SRPX: variants seen among roughly 807,000 people sequenced by gnomAD.
SRPX encodes the protein sushi repeat-containing protein SRPX.
A neutral mutation model predicts 38.1 loss-of-function variants in SRPX; 24 were observed. That is an observed-to-expected ratio of 0.63 (90% CI 0.46 to 0.89). The LOEUF is 0.89. Ranked by LOEUF, SRPX falls within the 40% of genes least tolerant of loss-of-function variation. The probability of loss-of-function intolerance (pLI) is 0.00; values close to 1 mark genes in which losing one functional copy is unlikely to be tolerated. For missense variants in SRPX, 416 were observed against 377.8 expected (o/e 1.10, Z -0.84); for synonymous variants, 184 against 153.8 (o/e 1.20, Z -1.45).
At chrX:38,200,718 G>A (rs1236787238) in intron 1 of SRPX, among the ~76,000 whole-genome samples, 1 of 111,657 alleles carries the variant, frequency 9.0e-6, no homozygotes, top group South Asian at 3.8e-4. Flanking sequence ...CTGCTATAAT[G>A]GCATTAATCT....
chrX:38,173,999 G>A (rs900062369), intron 3 of SRPX, among the ~76,000 whole-genome samples, 161 bp downstream of exon 3: 2 of 111,935 alleles, frequency 1.8e-5, no homozygotes, highest in Admixed American at 1.9e-4. Flanking sequence ...TCTCTGAGAG[G>A]AGCCAACTCA....
chrX:38,197,506 C>CATACA (rs1362473021), intron 1 of SRPX, among the ~76,000 whole-genome samples: 3 of 110,912 alleles, frequency 2.7e-5, no homozygotes, highest in African/African-American at 9.9e-5. Context: ...TTGATATATG[C>CATACA]ATACAATGCA....
chrX:38,188,474 A>C (rs1248325707), intron 1 of SRPX, among the ~76,000 whole-genome samples: 1 of 112,034 alleles, frequency 8.9e-6, no homozygotes, highest in Non-Finnish European at 1.9e-5. Flanking sequence ...TGAAAATGTC[A>C]GGGTGCACTG....
At chrX:38,159,285 G>T (rs946569578) in intron 7 of SRPX, among the ~76,000 whole-genome samples, 4 of 112,302 alleles carry the variant, frequency 3.6e-5, no homozygotes, top group Non-Finnish European at 5.6e-5. Flanking sequence ...GCATTTAGCT[G>T]ATGGTATATA....
intron 1 of SRPX, among the ~76,000 whole-genome samples, chrX:38,193,249 G>T (rs1908659838): frequency 1.8e-5 from 2 of 111,760 alleles, no homozygotes; most frequent in South Asian, 7.6e-4. Flanking sequence ...AAGGTGGGGA[G>T]GGGGGGAAAT....
At chrX:38,164,394 C>T (rs754662585) in intron 5 of SRPX, among the ~76,000 whole-genome samples, 4 of 112,050 alleles carry the variant, frequency 3.6e-5, no homozygotes, top group Admixed American at 1.9e-4. Flanking sequence ...CCGCCTGCCT[C>T]GTCCTCACAA....
In SRPX at chrX:38,215,025, G is replaced by C. The variant is rs757281089; in HGVS notation, c.97+5671C>G. Among the ~76,000 whole-genome samples the C allele has an allele frequency of 7.1e-5, 8 of 112,178 alleles. No homozygotes were observed. The South Asian group carries it at 2.6e-3, about 37-fold the overall frequency. On this transcript the variant is annotated intron_variant, in intron 1 of 9. Transcript: ENST00000378533. ...TGATAGCAGGGGAAATGAGCTGCTA[G>C]TACATGTGACTACACTACAGGTCAC...
chrX:38,205,335 T>C (rs773276389), intron 1 of SRPX, among the ~76,000 whole-genome samples: 9 of 112,359 alleles, frequency 8.0e-5, no homozygotes, highest in South Asian at 3.7e-4. Flanking sequence ...GATAATAATA[T>C]TGAACATCTT....
intron 5 of SRPX, among the ~76,000 whole-genome samples, chrX:38,161,286 T>G (rs1358252131): frequency 9.0e-6 from 1 of 111,016 alleles, no homozygotes; most frequent in Non-Finnish European, 1.9e-5. Flanking sequence ...TTAGACTTTT[T>G]TCTTGCTGAA....
At chrX:38,156,361 T>C (rs937060363) in intron 8 of SRPX, among the ~76,000 whole-genome samples, 1 of 111,647 alleles carries the variant, frequency 9.0e-6, no homozygotes, top group South Asian at 3.8e-4. Flanking sequence ...AGGAATCACC[T>C]GGAGATTTTG....
At chrX:38,166,070 A>G (rs1938359526) in intron 4 of SRPX, among the ~76,000 whole-genome samples, 1 of 112,620 alleles carries the variant, frequency 8.9e-6, no homozygotes, top group Non-Finnish European at 1.9e-5. Context: ...TAAAGAAGGC[A>G]TAGCAAATTA....
Position 38,214,549 on chromosome X carries a change from G to A in SRPX, c.97+6147C>T, listed in dbSNP as rs144256959. ...TCACGTGGCTGGGGGCATCAGCTCC[G>A]TGAATAGGTAATGGTGCAACACAAT... is the stretch of plus-strand genomic sequence containing the variant. On this transcript the variant is annotated intron_variant, in intron 1 of 9. Coordinates refer to ENST00000378533, the MANE Select transcript of SRPX (RefSeq NM_006307.5). 1.2e-4 allele frequency among the ~76,000 whole-genome samples: 13 copies of A among 111,928 alleles called. No individual in the cohort carries two copies. The South Asian group carries it at 1.9e-3, about 16-fold the overall frequency.
At chrX:38,192,611 C>T (rs915499939) in intron 1 of SRPX, among the ~76,000 whole-genome samples, 3 of 112,658 alleles carry the variant, frequency 2.7e-5, no homozygotes, top group African/African-American at 9.7e-5. Flanking sequence ...TCAGAAATTC[C>T]AGATGCAAAC....
intron 1 of SRPX, among the ~76,000 whole-genome samples, chrX:38,219,094 T>G (rs1018484428): frequency 2.7e-5 from 3 of 110,941 alleles, no homozygotes; most frequent in African/African-American, 9.8e-5. Context: ...TGGTAGTGAA[T>G]GCCCAAACTG....
chrX:38,151,477 A>AT (rs373051370), intron 9 of SRPX, among the ~76,000 whole-genome samples: 211 of 111,129 alleles, frequency 1.9e-3, no homozygotes, highest in African/African-American at 6.7e-3. Flanking sequence ...TGGAGCATTC[A>AT]TTTTTTTTAT....
At chrX:38,163,020 CAGACATTGTGCTAGACCCTGA>C (rs1938295499) in intron 5 of SRPX, among the ~76,000 whole-genome samples, 2 of 112,171 alleles carry the variant, frequency 1.8e-5, no homozygotes, top group African/African-American at 6.5e-5. Flanking sequence ...GGGGCTGGGC[CAGACATTGTGCTAGACCCTGA>C]AGAGTCAAAG....
intron 1 of SRPX, among the ~76,000 whole-genome samples, chrX:38,207,364 C>A (rs1939230667): frequency 8.9e-6 from 1 of 111,836 alleles, no homozygotes; most frequent in South Asian, 3.8e-4. Flanking sequence ...AGGAGGTCAG[C>A]CCAAAGCAGG....
chrX:38,166,527 G>A (rs904116837), intron 4 of SRPX, among the ~76,000 whole-genome samples: 1 of 111,807 alleles, frequency 8.9e-6, no homozygotes, highest in Non-Finnish European at 1.9e-5. Context: ...TGATGAAATG[G>A]AAGATGCTTT....
chrX:38,208,616 G>T (rs1025709645), intron 1 of SRPX, among the ~76,000 whole-genome samples: 1 of 111,375 alleles, frequency 9.0e-6, no homozygotes, highest in Non-Finnish European at 1.9e-5. Flanking sequence ...GGAAAATGAA[G>T]GGTGGGCCTG....
Sources: allele counts gnomAD v4.1 joint callset (sites outside exome capture counted in the v4.1 genomes callset), GRCh38; gene constraint gnomAD v4.1.1; transcripts MANE v1.5; gene names NCBI Gene and HGNC (gene_info 2026-07-23, HGNC 2026-07-21).